Variants in ITGA10 observed in about 807,000 individuals in gnomAD.
ITGA10 encodes integrin subunit alpha 10.
A neutral mutation model predicts 145.2 loss-of-function variants in ITGA10; 105 were observed. The observed-to-expected ratio is 0.72, with a 90% confidence interval of 0.62 to 0.85. ITGA10 has a LOEUF of 0.85. Among genes scored for constraint, ITGA10 ranks in the 40% least tolerant of loss-of-function variants. ITGA10 has a pLI of 0.00. For synonymous variants in ITGA10, 506 were observed against 557.8 expected (o/e 0.91, Z 1.31); for missense variants, 1,317 against 1,444.5 (o/e 0.91, Z 1.43).
Position 145,901,963 on chromosome 1 carries a change from A to T in ITGA10, c.1208T>A (p.Leu403His). ...AYDWGGSVLW[L>H]EGGHRLFPPR... ...GGGGAAAAGGCGGTGGCCTCCTTCA[A>T]GCCATAGCACAGAGCCTCCCCAGTC... Residue 403 changes from leucine (L) to histidine (H), a missense_variant, in exon 11 of 30, where the codon CTT (leucine) becomes CAT (histidine). By Grantham distance (99) the Leu-to-His change is moderately conservative. Coordinates refer to ENST00000369304, the MANE Select transcript of ITGA10 (RefSeq NM_003637.5). The surrounding 1 kb of genome is among the most constrained non-coding windows in gnomAD (Gnocchi z 4.3). 1.2e-6 allele frequency: 2 copies of T among 1,614,118 alleles called. No homozygotes were observed. Among genetic ancestry groups the T allele is most frequent in the East Asian group, 4.5e-5 (2 of 44,880 alleles).
Position 145,892,643 on chromosome 1 carries a change from A to C in ITGA10, c.*155T>G. The stretch of plus-strand genomic sequence containing the variant: ...AGGTAAAGCCTCATCTCTAGCCAGC[A>C]GCATCCCTAGGACTCAAAAGTCAAG... On this transcript the variant is annotated 3_prime_UTR_variant, in exon 30 of 30. Transcript: ENST00000369304. The C allele has an allele frequency of 1.6e-6, 1 of 607,134 alleles. No homozygotes were observed. 37.6% of individuals were successfully genotyped at this position (607,134 alleles called of 1,614,324 possible).
chr1:145,895,415 G>A (rs781810470), intron 26 of ITGA10, 22 bp from the exon 27 acceptor site: 1 of 1,579,064 alleles, frequency 6.3e-7, no homozygotes, highest in East Asian at 2.2e-5. Flanking sequence ...GACAGAGAGA[G>A]ACAGATCAGG....
At chr1:145,896,397 A>G (rs1341002112) in intron 23 of ITGA10, 45 bp from the exon 24 acceptor site, 8 of 1,440,668 alleles carry the variant, frequency 5.6e-6, no homozygotes, top group Non-Finnish European at 7.8e-6. Flanking sequence ...CAGCCATAAC[A>G]CAGACACAGG....
At chr1:145,905,396 C>T (rs986082576) in intron 5 of ITGA10, among the ~76,000 whole-genome samples, 6 of 151,226 alleles carry the variant, frequency 4.0e-5, no homozygotes, top group Admixed American at 6.6e-5. Flanking sequence ...TCTCCTGCCT[C>T]AGCCTCCCGA....
chr1:145,899,002 C>A lies in ITGA10; in HGVS notation c.2166G>T (p.Leu722Phe), dbSNP rs1553746590. 1.2e-6 allele frequency: 2 copies of A among 1,614,234 alleles called. No individual in the cohort carries two copies. The highest frequency in any genetic ancestry group is 1.3e-5 in the African/African-American group (1 of 75,058). The change falls in exon 17 of 30, where the codon TTG becomes TTT. Residue 722 changes from leucine (L) to phenylalanine (F), a missense_variant. Physicochemically the swap from Leu to Phe is conservative, Grantham distance 22. Coordinates refer to ENST00000369304, the MANE Select transcript of ITGA10 (RefSeq NM_003637.5). ...RAAFDGSGQR[L>F]SPRRLRLSVG... Reference sequence around the variant, plus strand: ...CACTGAGCCGGAGCCTCCGAGGGGACAACCTCTGGCCAGAGCCATCAAATG... The same window carrying A: ...CACTGAGCCGGAGCCTCCGAGGGGAAAACCTCTGGCCAGAGCCATCAAATG...
chr1:145,905,071 T>C (rs1184597330), intron 5 of ITGA10, among the ~76,000 whole-genome samples: 1 of 150,930 alleles, frequency 6.6e-6, no homozygotes, highest in Non-Finnish European at 1.5e-5. Context: ...CACACACACC[T>C]ACACATTTAT....
chr1:145,903,079 C>T lies in ITGA10; in HGVS notation c.759-118G>A, dbSNP rs1272807231. 3.8e-5 allele frequency: 36 copies of T among 951,356 alleles called. No individual in the cohort carries two copies. In the Middle Eastern group the frequency reaches 7.3e-4, roughly 19 times the overall value. The allele number at this position is 951,356 out of a possible 1,614,324, so 58.9% of individuals were successfully genotyped here. On this transcript the variant is annotated intron_variant, in intron 7 of 29. Transcript: ENST00000369304. The stretch of plus-strand genomic sequence containing the variant: ...CACACACACACACAGGATTTAACAT[C>T]AGCACTTCCCTGAGGTCAGGCATCT...
intron 25 of ITGA10, 101 bp from the exon 26 acceptor site, chr1:145,895,812 T>G (rs1570843836): frequency 8.8e-7 from 1 of 1,140,496 alleles, no homozygotes; most frequent in South Asian, 1.4e-5. Flanking sequence ...CTTCCCCTTA[T>G]AATACCTTTT....
chr1:145,907,800 C>A (rs1657370633), intron 1 of ITGA10, among the ~76,000 whole-genome samples: 1 of 107,260 alleles, frequency 9.3e-6, no homozygotes, highest in African/African-American at 3.6e-5. Context: ...GAGACGGAGT[C>A]TCTCTGTCGC....
rs782542522 is a variant in ITGA10 at position 145,896,991 on chromosome 1, A to T, written c.2744+20T>A. On this transcript the variant is annotated intron_variant, in intron 22 of 29. Coordinates refer to ENST00000369304, the MANE Select transcript of ITGA10 (RefSeq NM_003637.5). ...CTCAGTAGGAGGAGAGGTCTGGAAGAAAGTTCCCTTCATTCTCACCTGCTG... is the reference window on the plus strand; with the variant it reads ...CTCAGTAGGAGGAGAGGTCTGGAAGTAAGTTCCCTTCATTCTCACCTGCTG... The T allele has an allele frequency of 6.2e-7, 1 of 1,608,558 alleles. No individual in the cohort carries two copies. Among genetic ancestry groups the T allele is most frequent in the Non-Finnish European group, 8.5e-7 (1 of 1,174,918 alleles).
chr1:145,903,901 C>A (rs954923483), intron 7 of ITGA10, 151 bp downstream of exon 7: 34 of 733,476 alleles, frequency 4.6e-5, no homozygotes, highest in Non-Finnish European at 7.4e-5. Flanking sequence ...GTTGGTCAGG[C>A]TGGTCTCGAA....
At chr1:145,895,452 C>T (rs1655250269) in intron 26 of ITGA10, 59 bp from the exon 27 acceptor site, 2 of 1,459,840 alleles carry the variant, frequency 1.4e-6, no homozygotes, top group South Asian at 1.2e-5. Flanking sequence ...ATCCTCTTTC[C>T]CCACCTCTAG....
chr1:145,892,896 T>G, intron 29 of ITGA10, 33 bp from the exon 30 acceptor site: 1 of 1,568,438 alleles, frequency 6.4e-7, no homozygotes, highest in Non-Finnish European at 8.8e-7. Flanking sequence ...CACTGCCAAA[T>G]GCCTAGACTG....
At chr1:145,903,033 AC>A in intron 7 of ITGA10, 72 bp from the exon 8 acceptor site, 1 of 843,936 alleles carries the variant, frequency 1.2e-6, no homozygotes, top group African/African-American at 1.8e-5. Context: ...ATACACACAC[AC>A]ACACACACAC....
At position 145,900,800 on chromosome 1, in the gene ITGA10, T is replaced by A. The variant is rs1656184430; in HGVS notation, c.1781A>T (p.His594Leu). 6.2e-7 allele frequency: 1 copy of A among 1,614,026 alleles called. No individual in the cohort carries two copies. Among genetic ancestry groups the A allele is most frequent in the Admixed American group, 1.7e-5 (1 of 59,994 alleles). The change falls in exon 14 of 30, where the codon CAT becomes CTT. Residue 594 changes from histidine (H) to leucine (L), a missense_variant. Transcript: ENST00000369304. ...YHGTQSGVRP[H>L]PAQRIAAASM... ...TTGGGTACTCCTGACCTGGGCAGGA[T>A]GGGGCCTGACTCCACTCTGGGTTCC... is the stretch of plus-strand genomic sequence containing the variant.
chr1:145,899,012 C>T lies in ITGA10; in HGVS notation c.2156G>A (p.Gly719Asp). The T allele has an allele frequency of 6.2e-7, 1 of 1,614,212 alleles. No homozygotes were observed. The highest frequency in any genetic ancestry group is 8.5e-7 in the Non-Finnish European group (1 of 1,180,036). The stretch of plus-strand genomic sequence containing the variant: ...GAGCCTCCGAGGGGACAACCTCTGG[C>T]CAGAGCCATCAAATGCTGCACGTGC... ...AGARAAFDGS[G>D]QRLSPRRLRL... Residue 719 changes from glycine (G) to aspartate (D), a missense_variant, in exon 17 of 30, where the codon GGC becomes GAC. Coordinates refer to ENST00000369304, the MANE Select transcript of ITGA10 (RefSeq NM_003637.5).
At chr1:145,909,512 TTA>T (rs1344173798) in intron 1 of ITGA10, among the ~76,000 whole-genome samples, 3 of 132,778 alleles carry the variant, frequency 2.3e-5, no homozygotes, top group Admixed American at 8.0e-5. Context: ...ATGTTATATA[TTA>T]TATGTATATT....
Position 145,901,854 on chromosome 1 carries a change from C to T in ITGA10, c.1294+23G>A. 3.1e-6 allele frequency: 5 copies of T among 1,613,858 alleles called. No individual in the cohort carries two copies. Among genetic ancestry groups the T allele is most frequent in the Non-Finnish European group, 4.2e-6 (5 of 1,179,880 alleles). ...TATTTCCTCCCCTACCCTGTAAGTC[C>T]TCTGCAACTCTCTGCTGCTCACCCA... is the stretch of plus-strand genomic sequence containing the variant. On this transcript the variant is annotated intron_variant, in intron 11 of 29. Coordinates refer to ENST00000369304, the MANE Select transcript of ITGA10 (RefSeq NM_003637.5). This position sits in a 1 kb window ranked among gnomAD's most constrained non-coding sequence, Gnocchi z 4.3.
At chr1:145,899,447 G>T in intron 15 of ITGA10, 106 bp from the exon 16 acceptor site, 1 of 1,207,914 alleles carries the variant, frequency 8.3e-7, no homozygotes, top group Non-Finnish European at 1.2e-6. Context: ...AGGAGGGGCT[G>T]AATGCACATG....
Sources: gnomAD v4.1 joint callset for allele counts (sites outside exome capture counted in the v4.1 genomes callset) on GRCh38, gnomAD v4.1.1 for gene constraint, Gnocchi (gnomAD v3.1) non-coding constraint, MANE v1.5 for transcripts, NCBI Gene and HGNC (gene_info 2026-07-23, HGNC 2026-07-21) for gene names.